CA10: variants seen among roughly 807,000 people sequenced by gnomAD.
CA10 encodes the protein carbonic anhydrase-related protein 10.
CA10 carries 14 observed loss-of-function variants against 44.2 expected under a neutral mutation model. The observed-to-expected ratio is 0.32, with a 90% CI of 0.21 to 0.50. CA10 has a LOEUF of 0.50. Among genes scored for constraint, CA10 ranks in the 20% least tolerant of loss-of-function variants. CA10 has a pLI of 0.99. For missense variants in CA10, 350 were observed against 409.7 expected (o/e 0.85, Z 1.26); for synonymous variants, 159 against 141.6 (o/e 1.12, Z -0.87).
intron 3 of CA10, among the ~76,000 whole-genome samples, chr17:51,768,656 C>T (rs1482177293): frequency 6.6e-6 from 1 of 152,174 alleles, no homozygotes; most frequent in Non-Finnish European, 1.5e-5. Flanking sequence ...ATCAAGTCCA[C>T]AGTGATGACA....
At chr17:51,910,185 T>C (rs1453165138) in intron 3 of CA10, among the ~76,000 whole-genome samples, 1 of 152,014 alleles carries the variant, frequency 6.6e-6, no homozygotes, top group Non-Finnish European at 1.5e-5. Context: ...GAGAGGGGCA[T>C]GGTGAGAGGG....
intron 3 of CA10, among the ~76,000 whole-genome samples, chr17:51,858,596 C>G (rs1979158033): frequency 6.6e-6 from 1 of 152,160 alleles, no homozygotes; most frequent in African/African-American, 2.4e-5. Flanking sequence ...CTCCTTCTAC[C>G]TTGCCATATT....
chr17:52,114,483 G>A (rs1399255053), intron 1 of CA10, among the ~76,000 whole-genome samples: 1 of 152,166 alleles, frequency 6.6e-6, no homozygotes, highest in Non-Finnish European at 1.5e-5. Context: ...TCATACAGTT[G>A]TCATTAGGGC....
chr17:51,991,738 G>A (rs1400659476), intron 2 of CA10, among the ~76,000 whole-genome samples: 3 of 152,274 alleles, frequency 2.0e-5, no homozygotes, highest in East Asian at 3.9e-4. Flanking sequence ...GAACCTGGGA[G>A]GAGGAGGTTG....
intron 2 of CA10, among the ~76,000 whole-genome samples, chr17:51,952,361 A>G (rs1983516163): frequency 6.6e-6 from 1 of 152,108 alleles, no homozygotes; most frequent in South Asian, 2.1e-4. Context: ...TTATATTCTG[A>G]GGTACCGGGG....
At chr17:51,793,356 G>C (rs1906592137) in intron 3 of CA10, among the ~76,000 whole-genome samples, 4 of 152,168 alleles carry the variant, frequency 2.6e-5, no homozygotes, top group Admixed American at 2.6e-4. Flanking sequence ...TCACATGATG[G>C]GGGTGGGTTT....
chr17:51,640,154 G>A (rs1023054715), intron 6 of CA10, among the ~76,000 whole-genome samples: 5 of 152,146 alleles, frequency 3.3e-5, no homozygotes, highest in African/African-American at 9.7e-5. Flanking sequence ...GTATCTCTAA[G>A]CCCCCAAATG....
chr17:51,704,290 C>T (rs1915693317), intron 4 of CA10, among the ~76,000 whole-genome samples: 1 of 152,128 alleles, frequency 6.6e-6, no homozygotes, highest in Non-Finnish European at 1.5e-5. Flanking sequence ...CTAAATATGA[C>T]ATAACCAATA....
chr17:51,952,663 A>G (rs1038169071), intron 2 of CA10, among the ~76,000 whole-genome samples: 5 of 152,202 alleles, frequency 3.3e-5, no homozygotes, highest in African/African-American at 1.2e-4. Context: ...AAATACTAAG[A>G]AACACTTGGT....
chr17:51,717,829 GTATATATATATATATATATATATATATA>G lies in CA10; in HGVS notation c.465+29776_465+29803del, dbSNP rs55932655. Among the ~76,000 whole-genome samples the G allele has an allele frequency of 3.2e-3, 25 of 7,918 alleles. 9 individuals are homozygous for G. The South Asian group carries it at 0.12, about 38-fold the overall frequency. The allele number at this position is 7,918 out of a possible 152,430, so 5.2% of individuals were successfully genotyped here. A position where few individuals can be genotyped will look rare whatever the true frequency, so the allele number is the denominator to read the frequency against. On this transcript the variant is annotated intron_variant, in intron 4 of 8. Coordinates refer to ENST00000451037, the MANE Select transcript of CA10 (RefSeq NM_020178.5). The stretch of plus-strand genomic sequence containing the variant: ...TATATACACGTATATATATGTGTGT[GTATATATATATATATATATATATATATA>G]TATATATATATACAGGATAGAATAC...
chr17:51,854,823 T>C (rs1978966482), intron 3 of CA10, among the ~76,000 whole-genome samples: 2 of 152,222 alleles, frequency 1.3e-5, no homozygotes, highest in African/African-American at 4.8e-5. Context: ...CATTCATCTT[T>C]CCTTAGCATT....
At chr17:51,723,483 G>A (rs561449265) in intron 4 of CA10, among the ~76,000 whole-genome samples, 8 of 152,100 alleles carry the variant, frequency 5.3e-5, no homozygotes, top group Non-Finnish European at 1.2e-4. Context: ...TGTGGTGATG[G>A]GTACCATGCA....
intron 1 of CA10, among the ~76,000 whole-genome samples, chr17:52,117,495 A>G (rs4058290): frequency 0.63 from 96,155 of 152,048 alleles, 32,707 homozygotes; most frequent in African/African-American, 0.88. Flanking sequence ...ATTGAGATTG[A>G]CAAATGAAAA....
At chr17:51,646,125 A>G (rs1375262692) in intron 6 of CA10, among the ~76,000 whole-genome samples, 2 of 152,226 alleles carry the variant, frequency 1.3e-5, no homozygotes, top group Non-Finnish European at 2.9e-5. Flanking sequence ...TTATCATTGA[A>G]TGCTTGTTTA....
chr17:51,669,704 G>T (rs957709086), intron 4 of CA10, among the ~76,000 whole-genome samples: 1 of 152,254 alleles, frequency 6.6e-6, no homozygotes, highest in Non-Finnish European at 1.5e-5. Flanking sequence ...AAGGCCTGCA[G>T]CTTCACTCCT....
chr17:51,864,501 C>T (rs2143847309), intron 3 of CA10, among the ~76,000 whole-genome samples: 1 of 152,308 alleles, frequency 6.6e-6, no homozygotes, highest in East Asian at 1.9e-4. Flanking sequence ...TCTACTTTCT[C>T]CTATTTTCAT....
chr17:52,083,883 G>A (rs1405602785), intron 1 of CA10, among the ~76,000 whole-genome samples: 1 of 146,932 alleles, frequency 6.8e-6, no homozygotes, highest in African/African-American at 2.6e-5. Flanking sequence ...TATGAATTCA[G>A]TTATCTTTCT....
chr17:51,706,284 T>C (rs1915760307), intron 4 of CA10, among the ~76,000 whole-genome samples: 1 of 152,242 alleles, frequency 6.6e-6, no homozygotes, highest in Non-Finnish European at 1.5e-5. Context: ...CTCACCTAAC[T>C]GTCCATCTGG....
At chr17:51,923,851 T>C (rs1173335721) in intron 3 of CA10, among the ~76,000 whole-genome samples, 3 of 152,188 alleles carry the variant, frequency 2.0e-5, no homozygotes, top group African/African-American at 7.2e-5. Flanking sequence ...CAACTTTTGG[T>C]GAATTCCACC....
Sources: allele counts gnomAD v4.1 joint callset (sites outside exome capture counted in the v4.1 genomes callset), GRCh38; gene constraint gnomAD v4.1.1; transcripts MANE v1.5; gene names NCBI Gene and HGNC (gene_info 2026-07-23, HGNC 2026-07-21).